Variants in CBX8 observed in about 807,000 individuals in gnomAD.
CBX8 encodes the protein chromobox 8.
Under a neutral mutation model 39.7 loss-of-function variants are expected in CBX8, and 8 were observed. The observed-to-expected ratio is 0.20, with a 90% CI of 0.12 to 0.36. The LOEUF (loss-of-function observed/expected upper bound fraction) is 0.36. Ranked by LOEUF, CBX8 falls within the 10% of genes least tolerant of loss-of-function variation. CBX8 has a pLI of 1.00. For missense variants in CBX8, 505 were observed against 529.6 expected (o/e 0.95, Z 0.46); for synonymous variants, 268 against 219.8 (o/e 1.22, Z -1.94).
Position 79,792,454 on chromosome 17 carries a change from G to C in CBX8, c.*2181C>G, listed in dbSNP as rs1416675518. ...CAGGGACAGAGCTGGCTGGAAAGAA[G>C]GTCCAAGGGAAGGGGCAAAGTCAGC... On this transcript the variant is annotated 3_prime_UTR_variant, in exon 5 of 5. Coordinates refer to ENST00000269385, the MANE Select transcript of CBX8 (RefSeq NM_020649.3). 1 of 151,574 alleles carries C rather than the reference G, an allele frequency of 6.6e-6. No homozygotes were observed. The highest frequency in any genetic ancestry group is 6.6e-5 in the Admixed American group (1 of 15,104). 9.4% of individuals were successfully genotyped at this position (151,574 alleles called of 1,614,324 possible). A position where few individuals can be genotyped will look rare whatever the true frequency, so the allele number is the denominator to read the frequency against.
Position 79,795,509 on chromosome 17 carries a change from G to A in CBX8, c.296C>T (p.Ala99Val), listed in dbSNP as rs373124618. The stretch of plus-strand genomic sequence containing the variant: ...AGGGTAGGGGATCCGGATGCCCCTG[G>A]CTGAGTCACTTCGAAACTCGTAAGT... Reference protein sequence around the residue: ...AKTYEFRSDSARGIRIPYPGR... With the variant: ...AKTYEFRSDSVRGIRIPYPGR... The change falls in exon 5 of 5, where the codon GCC becomes GTC. Residue 99 changes from alanine to valine, a missense_variant. Ala to Val is a moderately conservative substitution (Grantham distance 64). Coordinates refer to ENST00000269385, the MANE Select transcript of CBX8 (RefSeq NM_020649.3). The surrounding 1 kb of genome is among the most constrained non-coding windows in gnomAD (Gnocchi z 5.8). The A allele has an allele frequency of 6.5e-7, 1 of 1,547,020 alleles. No individual in the cohort carries two copies. Among genetic ancestry groups the A allele is most frequent in the South Asian group, 1.2e-5 (1 of 80,530 alleles).
chr17:79,795,393 T>C lies in CBX8; in HGVS notation c.412A>G (p.Thr138Ala), dbSNP rs2145838775. The C allele has an allele frequency of 6.2e-7, 1 of 1,601,614 alleles. No homozygotes were observed. Among genetic ancestry groups the C allele is most frequent in the East Asian group, 2.3e-5 (1 of 44,424 alleles). Residue 138 changes from threonine (T) to alanine (A), a missense_variant, in exon 5 of 5, where the codon ACC becomes GCC. By Grantham distance (58) the Thr-to-Ala change is moderately conservative. Coordinates refer to ENST00000269385, the MANE Select transcript of CBX8 (RefSeq NM_020649.3). This position sits in a 1 kb window ranked among gnomAD's most constrained non-coding sequence, Gnocchi z 5.8. ...GLSPPASSTS[T>A]SSTCRAEAPR... ...GCCTCTGCGCGGCAGGTGCTGCTGG[T>C]GCTGGTGCTGCTCGCTGGCGGGGAC... is the stretch of plus-strand genomic sequence containing the variant.
Position 79,795,629 on chromosome 17 carries a change from C to T in CBX8, c.247-71G>A. On this transcript the variant is annotated intron_variant, in intron 4 of 4. Coordinates refer to ENST00000269385, the MANE Select transcript of CBX8 (RefSeq NM_020649.3). The surrounding 1 kb of genome is among the most constrained non-coding windows in gnomAD (Gnocchi z 5.8). ...ACCCCCACAGGACTCCTCCTCTATC[C>T]CTGACCTCCTATCTTTACCCTATGA... 2.8e-6 allele frequency: 3 copies of T among 1,089,574 alleles called. No individual in the cohort carries two copies. The highest frequency in any genetic ancestry group is 3.6e-6 in the Non-Finnish European group (3 of 825,446). The allele number at this position is 1,089,574 out of a possible 1,614,324, so 67.5% of individuals were successfully genotyped here.
Position 79,795,196 on chromosome 17 carries a change from G to A in CBX8, c.609C>T (p.Pro203=). 6.2e-7 allele frequency: 1 copy of A among 1,613,320 alleles called. No homozygotes were observed. Among genetic ancestry groups the A allele is most frequent in the African/African-American group, 1.3e-5 (1 of 75,062 alleles). ...GDSSKKRGPK[P]RKELPDPSQR... is the part of the protein sequence containing the mutation. ...GTGAGGGGTCCGGGAGCTCCTTCCGGGGCTTGGGGCCTCGCTTCTTCGAGC... is the reference window on the plus strand; with the variant it reads ...GTGAGGGGTCCGGGAGCTCCTTCCGAGGCTTGGGGCCTCGCTTCTTCGAGC... Residue 203 remains proline, a synonymous_variant, in exon 5 of 5, where the codon CCC becomes CCT. Coordinates refer to ENST00000269385, the MANE Select transcript of CBX8 (RefSeq NM_020649.3). This position sits in a 1 kb window ranked among gnomAD's most constrained non-coding sequence, Gnocchi z 5.8.
Position 79,794,828 on chromosome 17 carries a change from GCCC to G in CBX8, c.974_976del (p.Gly325del). The G allele has an allele frequency of 6.2e-7, 1 of 1,609,604 alleles. No individual in the cohort carries two copies. The highest frequency in any genetic ancestry group is 8.5e-7 in the Non-Finnish European group (1 of 1,178,034). On this transcript the variant is annotated inframe_deletion, in exon 5 of 5. Transcript: ENST00000269385. ...GATGAGGGAGGGCCTTCCCCCCTGG[GCCC>G]CCATGTCCCGGTACAGGCCCCCCCC... is the stretch of plus-strand genomic sequence containing the variant.
In CBX8 at chr17:79,792,903, C is replaced by T. The variant is rs1411690511; in HGVS notation, c.*1732G>A. On this transcript the variant is annotated 3_prime_UTR_variant, in exon 5 of 5. Transcript: ENST00000269385. ...CCCCACCCCACGCGAAGCTCCCCCA[C>T]CCCCGACTCCCCGCCTCGCTCCCCC... is the stretch of plus-strand genomic sequence containing the variant. The T allele has an allele frequency of 1.3e-5, 2 of 151,562 alleles. No homozygotes were observed. Among genetic ancestry groups the T allele is most frequent in the Non-Finnish European group, 2.9e-5 (2 of 67,838 alleles). 9.4% of individuals were successfully genotyped at this position (151,562 alleles called of 1,614,324 possible).
intron 2 of CBX8, 50 bp from the exon 3 acceptor site, chr17:79,796,365 A>G (rs775295156): frequency 6.2e-7 from 1 of 1,601,436 alleles, no homozygotes; most frequent in South Asian, 1.1e-5. Flanking sequence ...GCAGGGTGAG[A>G]GCAGAGGGGG....
rs1907983724 is a variant in CBX8, at chr17:79,794,236, C to T, written c.*399G>A. On this transcript the variant is annotated 3_prime_UTR_variant, in exon 5 of 5. Coordinates refer to ENST00000269385, the MANE Select transcript of CBX8 (RefSeq NM_020649.3). ...GAGGGGTGAGGTGGGCAGGCCAAGC[C>T]CCTCCAGACACTCTCAGAAACCTGT... is the stretch of plus-strand genomic sequence containing the variant. 6.6e-6 allele frequency: 1 copy of T among 152,522 alleles called. No individual in the cohort carries two copies. The highest frequency in any genetic ancestry group is 1.5e-5 in the Non-Finnish European group (1 of 68,442). 9.4% of individuals were successfully genotyped at this position (152,522 alleles called of 1,614,324 possible). A position where few individuals can be genotyped will look rare whatever the true frequency, so the allele number is the denominator to read the frequency against.
Position 79,797,012 on chromosome 17 carries a change from T to G in CBX8, c.-14A>C, listed in dbSNP as rs375142884. 219 of 1,605,718 alleles carry G rather than the reference T, an allele frequency of 1.4e-4. No individual in the cohort carries two copies. The African/African-American group carries it at 2.6e-3, about 19-fold the overall frequency. On this transcript the variant is annotated 5_prime_UTR_variant, in exon 1 of 5. Transcript: ENST00000269385. ...TGAAAGCTCCATGTTGACTCGCCGCTTCCCCCCTTGGCCGCTTCCAGGAGC... is the reference window on the plus strand; with the variant it reads ...TGAAAGCTCCATGTTGACTCGCCGCGTCCCCCCTTGGCCGCTTCCAGGAGC...
Position 79,795,113 on chromosome 17 carries a change from A to G in CBX8, c.692T>C (p.Leu231Pro). The G allele has an allele frequency of 1.2e-6, 2 of 1,613,258 alleles. No individual in the cohort carries two copies. Among genetic ancestry groups the G allele is most frequent in the Non-Finnish European group, 1.7e-6 (2 of 1,179,768 alleles). ...TCCTGCCCCGGAAGGGGTGTCGTCC[A>G]GCTTCCTGCCCTTGAGGTACTCTCC... ...GLGEYLKGRK[L>P]DDTPSGAGKF... The change falls in exon 5 of 5, where the codon CTG becomes CCG. Residue 231 changes from leucine to proline, a missense_variant. By Grantham distance (98) the Leu-to-Pro change is moderately conservative (BLOSUM62 -3). Coordinates refer to ENST00000269385, the MANE Select transcript of CBX8 (RefSeq NM_020649.3). This position sits in a 1 kb window ranked among gnomAD's most constrained non-coding sequence, Gnocchi z 5.8.
chr17:79,794,467 C>CA lies in CBX8; in HGVS notation c.*167dup. 1 of 504,068 alleles carries CA rather than the reference C, an allele frequency of 2.0e-6. No homozygotes were observed. The highest frequency in any genetic ancestry group is 3.5e-6 in the Non-Finnish European group (1 of 283,550). 31.2% of individuals were successfully genotyped at this position (504,068 alleles called of 1,614,324 possible). On this transcript the variant is annotated 3_prime_UTR_variant, in exon 5 of 5. Transcript: ENST00000269385. ...ATAACTCTAGAGATAATCTTTCCAACAAAAACTGAGGGGGAGGAAGGAGGG... is the reference window on the plus strand; with the variant it reads ...ATAACTCTAGAGATAATCTTTCCAACAAAAAACTGAGGGGGAGGAAGGAGGG...
rs764967115 is a variant in CBX8, at chr17:79,794,830, C to G, written c.975G>C (p.Gly325=). The G allele has an allele frequency of 6.2e-7, 1 of 1,609,112 alleles. No individual in the cohort carries two copies. The highest frequency in any genetic ancestry group is 8.5e-7 in the Non-Finnish European group (1 of 1,178,132). Residue 325 remains glycine (G), a synonymous_variant, in exon 5 of 5, where the codon GGG becomes GGC. Transcript: ENST00000269385. ...SSGGGLYRDM[G]AQGGRPSLIA... ...TGAGGGAGGGCCTTCCCCCCTGGGC[C>G]CCCATGTCCCGGTACAGGCCCCCCC...
rs747550720 is a variant in CBX8, at chr17:79,795,994, G to A, written c.246+63C>T. 8.7e-6 allele frequency: 13 copies of A among 1,495,354 alleles called. No homozygotes were observed. Among genetic ancestry groups the A allele is most frequent in the Middle Eastern group, 3.9e-4 (2 of 5,084 alleles). 92.6% of individuals were successfully genotyped at this position (1,495,354 alleles called of 1,614,324 possible). A position where few individuals can be genotyped will look rare whatever the true frequency, so the allele number is the denominator to read the frequency against. ...ACACCCCATTGGCTCACAGCCCTCA[G>A]AGCCCCCTTCCCACAAATCACTCCA... On this transcript the variant is annotated intron_variant, in intron 4 of 4. Coordinates refer to ENST00000269385, the MANE Select transcript of CBX8 (RefSeq NM_020649.3). This position sits in a 1 kb window ranked among gnomAD's most constrained non-coding sequence, Gnocchi z 5.8.
Position 79,795,217 on chromosome 17 carries a change from C to CCG in CBX8, c.587_588insCG (p.Lys197GlyfsTer20). The CCG allele has an allele frequency of 6.2e-7, 1 of 1,613,190 alleles. No individual in the cohort carries two copies. On this transcript the variant is annotated frameshift_variant, in exon 5 of 5. Transcript: ENST00000269385. LOFTEE classifies it high-confidence loss of function. The surrounding 1 kb of genome is among the most constrained non-coding windows in gnomAD (Gnocchi z 5.8). ...TCCGGGGCTTGGGGCCTCGCTTCTT[C>CCG]GAGCTGTCCCCCGGTGAGCTGGGCT... is the stretch of plus-strand genomic sequence containing the variant.
Position 79,795,540 on chromosome 17 carries a change from C to T in CBX8, c.265G>A (p.Ala89Thr). The change falls in exon 5 of 5, where the codon GCC becomes ACC. Residue 89 changes from alanine (A) to threonine (T), a missense_variant. Around this residue, in one of 3 missense-constraint regions of CBX8, gnomAD observed 456 missense variants for 389.2 expected, o/e 1.17. Transcript: ENST00000269385. The surrounding 1 kb of genome is among the most constrained non-coding windows in gnomAD (Gnocchi z 5.8). Reference sequence around the variant, plus strand: ...TCACTTCGAAACTCGTAAGTTTTGGCCTTTGCCTTGGCCTGCGCCTGCAGG... The same window carrying T: ...TCACTTCGAAACTCGTAAGTTTTGGTCTTTGCCTTGGCCTGCGCCTGCAGG... ...FLLKAQAKAK[A>T]KTYEFRSDSA... The T allele has an allele frequency of 5.9e-6, 9 of 1,527,942 alleles. No individual in the cohort carries two copies. The highest frequency in any genetic ancestry group is 7.9e-6 in the Non-Finnish European group (9 of 1,139,562). The allele number at this position is 1,527,942 out of a possible 1,614,324, so 94.6% of individuals were successfully genotyped here.
At position 79,794,576 on chromosome 17, in the gene CBX8, A is replaced by C. The variant is rs1452641544; in HGVS notation, c.*59T>G. 4 of 1,332,204 alleles carry C rather than the reference A, an allele frequency of 3.0e-6. No homozygotes were observed. The African/African-American group carries it at 5.9e-5, about 20-fold the overall frequency. The allele number at this position is 1,332,204 out of a possible 1,614,324, so 82.5% of individuals were successfully genotyped here. ...ATCCCACCCAGAAATAAAAATCACT[A>C]TGCCAAGCTCACGCTCACTCTCTCC... On this transcript the variant is annotated 3_prime_UTR_variant, in exon 5 of 5. Coordinates refer to ENST00000269385, the MANE Select transcript of CBX8 (RefSeq NM_020649.3).
chr17:79,795,390 T>C lies in CBX8; in HGVS notation c.415A>G (p.Ser139Gly). Residue 139 changes from serine (S) to glycine (G), a missense_variant, in exon 5 of 5, where the codon AGC becomes GGC. Physicochemically the swap from Ser to Gly is moderately conservative, Grantham distance 56. Transcript: ENST00000269385. The surrounding 1 kb of genome is among the most constrained non-coding windows in gnomAD (Gnocchi z 5.8). ...GGGGCCTCTGCGCGGCAGGTGCTGC[T>C]GGTGCTGGTGCTGCTCGCTGGCGGG... is the stretch of plus-strand genomic sequence containing the variant. The part of the protein sequence containing the change: ...LSPPASSTST[S>G]STCRAEAPRD... The C allele has an allele frequency of 6.2e-7, 1 of 1,601,188 alleles. No homozygotes were observed. The highest frequency in any genetic ancestry group is 2.3e-5 in the East Asian group (1 of 44,424).
Position 79,796,000 on chromosome 17 carries a change from C to T in CBX8, c.246+57G>A. On this transcript the variant is annotated intron_variant, in intron 4 of 4. Coordinates refer to ENST00000269385, the MANE Select transcript of CBX8 (RefSeq NM_020649.3). The surrounding 1 kb of genome is among the most constrained non-coding windows in gnomAD (Gnocchi z 5.8). The stretch of plus-strand genomic sequence containing the variant: ...CATTGGCTCACAGCCCTCAGAGCCC[C>T]CTTCCCACAAATCACTCCATAACAT... 1 of 1,531,254 alleles carries T rather than the reference C, an allele frequency of 6.5e-7. No individual in the cohort carries two copies. The highest frequency in any genetic ancestry group is 1.1e-5 in the South Asian group (1 of 88,506). The allele number at this position is 1,531,254 out of a possible 1,614,324, so 94.9% of individuals were successfully genotyped here.
At position 79,795,290 on chromosome 17, in the gene CBX8, C is replaced by G; in HGVS notation, c.515G>C (p.Arg172Pro). The change falls in exon 5 of 5, where the codon CGG (arginine) becomes CCG (proline). Residue 172 changes from arginine to proline, a missense_variant. Coordinates refer to ENST00000269385, the MANE Select transcript of CBX8 (RefSeq NM_020649.3). This position sits in a 1 kb window ranked among gnomAD's most constrained non-coding sequence, Gnocchi z 5.8. ...CCGCTCTCGTTCCCTCTCACGTTCC[C>G]GCTCCCTCTCTCGCTCCCTCTCCCT... The part of the protein sequence containing the change: ...RERERERERE[R>P]ERERERERGT... The G allele has an allele frequency of 6.3e-7, 1 of 1,596,520 alleles. No individual in the cohort carries two copies. Among genetic ancestry groups the G allele is most frequent in the Non-Finnish European group, 8.5e-7 (1 of 1,171,482 alleles).
Sources: gnomAD v4.1 joint callset for allele counts on GRCh38, gnomAD v4.1.1 for gene constraint, gnomAD v4.1.1 regional missense constraint, Gnocchi (gnomAD v3.1) non-coding constraint, MANE v1.5 for transcripts, NCBI Gene and HGNC (gene_info 2026-07-23, HGNC 2026-07-21) for gene names.